MCTS1: variants seen among roughly 807,000 people sequenced by gnomAD.
The protein encoded by MCTS1 is malignant T-cell-amplified sequence 1.
For missense variants in MCTS1, 55 were observed against 128.6 expected (o/e 0.43, Z 2.77); for synonymous variants, 26 against 40.8 (o/e 0.64, Z 1.38).
chrX:120,607,889 G>A (rs1487250818), intron 3 of MCTS1, among the ~76,000 whole-genome samples: 1 of 110,065 alleles, frequency 9.1e-6, no homozygotes, highest in Non-Finnish European at 1.9e-5. Flanking sequence ...AAATTTCCCA[G>A]GGCATATTAA....
rs754320290 is a variant in MCTS1 at position 120,606,182 on chromosome X, G to GT, written c.262+13dup. On this transcript the variant is annotated splice_region_variant and intron_variant, in intron 3 of 5. Coordinates refer to ENST00000371317, the MANE Select transcript of MCTS1 (RefSeq NM_014060.3). ...CCTAAGATTACTTCACAAATGTAAG[G>GT]TTTTTTTATTTTTATTTTTTGAAAT... 9.3e-7 allele frequency: 1 copy of GT among 1,075,600 alleles called. No individual in the cohort carries two copies. The highest frequency in any genetic ancestry group is 1.9e-5 in the African/African-American group (1 of 52,904). 88.6% of individuals were successfully genotyped at this position (1,075,600 alleles called of 1,213,427 possible).
At chrX:120,607,362 G>A (rs1457447355) in intron 3 of MCTS1, among the ~76,000 whole-genome samples, 1 of 111,746 alleles carries the variant, frequency 8.9e-6, no homozygotes, top group Admixed American at 9.5e-5. Context: ...TTGAAATATA[G>A]AGTAAATCAT....
intron 4 of MCTS1, 43 bp from the exon 5 acceptor site, chrX:120,610,968 C>T: frequency 8.4e-7 from 1 of 1,188,106 alleles, no homozygotes. Context: ...GGGGAGGCCC[C>T]AAGGCATTTT....
chrX:120,618,935 T>C lies in MCTS1; in HGVS notation c.*6671T>C, dbSNP rs1259113466. Among the ~76,000 whole-genome samples, 1 of 112,002 alleles carries C rather than the reference T, an allele frequency of 8.9e-6. No homozygotes were observed. Among genetic ancestry groups the C allele is most frequent in the Non-Finnish European group, 1.9e-5 (1 of 53,225 alleles). On this transcript the variant is annotated 3_prime_UTR_variant, in exon 6 of 6. Transcript: ENST00000371317. Reference sequence around the variant, plus strand: ...AGTACCAAATGCCCAGATACATTTATTGGGATGCAGGAATCTCACTTAAGT... The same window carrying C: ...AGTACCAAATGCCCAGATACATTTACTGGGATGCAGGAATCTCACTTAAGT...
chrX:120,605,654 C>A (rs529365722), intron 2 of MCTS1, 95 bp downstream of exon 2: 2 of 858,026 alleles, frequency 2.3e-6, no homozygotes, highest in East Asian at 7.2e-5. Flanking sequence ...TTCAGATTAA[C>A]TATTGATAGA....
Position 120,605,565 on chromosome X carries a change from T to C in MCTS1, c.164+6T>C. ...CCTGTCAAAATAGTCCGATGGTAAG[T>C]CTTTGTTTTTGTCTGTGTAAAGCTC... is the stretch of plus-strand genomic sequence containing the variant. On this transcript the variant is annotated splice_donor_region_variant and intron_variant, in intron 2 of 5. Coordinates refer to ENST00000371317, the MANE Select transcript of MCTS1 (RefSeq NM_014060.3). The C allele has an allele frequency of 8.4e-7, 1 of 1,197,044 alleles. No individual in the cohort carries two copies. Among genetic ancestry groups the C allele is most frequent in the Non-Finnish European group, 1.1e-6 (1 of 890,687 alleles).
Position 120,619,452 on chromosome X carries a change from T to C in MCTS1, c.*7188T>C, listed in dbSNP as rs1011401343. The stretch of plus-strand genomic sequence containing the variant: ...GATTCCATGAGGTAGATTTTAACTC[T>C]CATTTTACAAACGAGGAGACTAAGG... On this transcript the variant is annotated 3_prime_UTR_variant, in exon 6 of 6. Coordinates refer to ENST00000371317, the MANE Select transcript of MCTS1 (RefSeq NM_014060.3). Among the ~76,000 whole-genome samples, 1 of 109,692 alleles carries C rather than the reference T, an allele frequency of 9.1e-6. No individual in the cohort carries two copies. Among genetic ancestry groups the C allele is most frequent in the East Asian group, 2.9e-4 (1 of 3,473 alleles).
intron 1 of MCTS1, chrX:120,604,671 G>C: frequency 1.5e-5 from 16 of 1,041,860 alleles, no homozygotes; most frequent in Non-Finnish European, 2.0e-5. Flanking sequence ...TGGGAGTGAA[G>C]GAGTCTGGGT....
At chrX:120,606,262 T>C (rs1926528298) in intron 3 of MCTS1, 86 bp downstream of exon 3, 1 of 509,933 alleles carries the variant, frequency 2.0e-6, no homozygotes, top group East Asian at 4.1e-5. Context: ...ATGCATTTAA[T>C]CAGATAAGAC....
At position 120,606,066 on chromosome X, in the gene MCTS1, A is replaced by G; in HGVS notation, c.165-13A>G. On this transcript the variant is annotated splice_polypyrimidine_tract_variant and intron_variant, in intron 2 of 5. Coordinates refer to ENST00000371317, the MANE Select transcript of MCTS1 (RefSeq NM_014060.3). ...AATATCTAACTTGGTACTTTGTGAC[A>G]TTTGTCTTACAGCCATGAACATATA... 2.0e-6 allele frequency: 2 copies of G among 1,012,394 alleles called. No individual in the cohort carries two copies. Among genetic ancestry groups the G allele is most frequent in the South Asian group, 2.4e-5 (1 of 42,351 alleles). The allele number at this position is 1,012,394 out of a possible 1,213,427, so 83.4% of individuals were successfully genotyped here. A position where few individuals can be genotyped will look rare whatever the true frequency, so the allele number is the denominator to read the frequency against.
rs1315277024 is a variant in MCTS1, at chrX:120,612,323, T to A, written c.*59T>A. 28 of 872,464 alleles carry A rather than the reference T, an allele frequency of 3.2e-5. No homozygotes were observed. In the Admixed American group the frequency reaches 5.3e-4, roughly 17 times the overall value. The allele number at this position is 872,464 out of a possible 1,213,427, so 71.9% of individuals were successfully genotyped here. A position where few individuals can be genotyped will look rare whatever the true frequency, so the allele number is the denominator to read the frequency against. On this transcript the variant is annotated 3_prime_UTR_variant, in exon 6 of 6. Coordinates refer to ENST00000371317, the MANE Select transcript of MCTS1 (RefSeq NM_014060.3). The stretch of plus-strand genomic sequence containing the variant: ...ATATTGTGCTGTATCTGTGTTTGTG[T>A]CTGTGTGTGACAGCATGAAGATAAT...
In MCTS1 at chrX:120,617,823, G is replaced by A. The variant is rs1160734909; in HGVS notation, c.*5559G>A. ...TCTTCTTATTTTCACAAGCGTGTGA[G>A]TAAAAGACTGGGTTTTAAGCAATAA... is the stretch of plus-strand genomic sequence containing the variant. On this transcript the variant is annotated 3_prime_UTR_variant, in exon 6 of 6. Coordinates refer to ENST00000371317, the MANE Select transcript of MCTS1 (RefSeq NM_014060.3). Among the ~76,000 whole-genome samples, 2 of 112,608 alleles carry A rather than the reference G, an allele frequency of 1.8e-5. No individual in the cohort carries two copies. Among genetic ancestry groups the A allele is most frequent in the Non-Finnish European group, 3.7e-5 (2 of 53,351 alleles).
chrX:120,611,142 A>G, intron 5 of MCTS1, 64 bp downstream of exon 5: 1 of 1,024,442 alleles, frequency 9.8e-7, no homozygotes, highest in Non-Finnish European at 1.4e-6. Flanking sequence ...GAAGCATCAG[A>G]ATTACAGGTG....
chrX:120,611,160 C>A, intron 5 of MCTS1, 82 bp downstream of exon 5: 1 of 859,450 alleles, frequency 1.2e-6, no homozygotes, highest in Non-Finnish European at 1.7e-6. Context: ...GTGAAATTTG[C>A]TATCATGCAT....
Position 120,605,961 on chromosome X carries a change from T to G in MCTS1, c.165-118T>G, listed in dbSNP as rs190928711. 7.0e-3 allele frequency: 2,931 copies of G among 419,300 alleles called. 15 individuals are homozygous for G. The highest frequency in any genetic ancestry group is 8.7e-3 in the Non-Finnish European group (2,247 of 257,835). 34.6% of individuals were successfully genotyped at this position (419,300 alleles called of 1,213,427 possible). A position where few individuals can be genotyped will look rare whatever the true frequency, so the allele number is the denominator to read the frequency against. On this transcript the variant is annotated intron_variant, in intron 2 of 5. Transcript: ENST00000371317. ...AGGAAAAACAATGTAAACAATATTT[T>G]TTGGCCAGGATTTTTACTGACTTTT... is the stretch of plus-strand genomic sequence containing the variant.
In MCTS1 at chrX:120,605,965, G is replaced by C. The variant is rs761350765; in HGVS notation, c.165-114G>C. On this transcript the variant is annotated intron_variant, in intron 2 of 5. Transcript: ENST00000371317. The stretch of plus-strand genomic sequence containing the variant: ...AAAACAATGTAAACAATATTTTTTG[G>C]CCAGGATTTTTACTGACTTTTTAAG... 2.1e-3 allele frequency: 897 copies of C among 425,548 alleles called. 2 individuals carry two copies. The highest frequency in any genetic ancestry group is 9.4e-3 in the Middle Eastern group (24 of 2,551). The allele number at this position is 425,548 out of a possible 1,213,427, so 35.1% of individuals were successfully genotyped here.
rs1316178827 is a variant in MCTS1, at chrX:120,620,266, C to T, written c.*8002C>T. Among the ~76,000 whole-genome samples the T allele has an allele frequency of 9.2e-6, 1 of 108,895 alleles. No individual in the cohort carries two copies. Among genetic ancestry groups the T allele is most frequent in the Non-Finnish European group, 1.9e-5 (1 of 52,533 alleles). 94.6% of individuals were successfully genotyped at this position (108,895 alleles called of 115,157 possible). A position where few individuals can be genotyped will look rare whatever the true frequency, so the allele number is the denominator to read the frequency against. ...GAGCTTGCAGTGAGCTGAGATCGCACCACTGCATTCCAGCCTGGACAACAG... is the reference window on the plus strand; with the variant it reads ...GAGCTTGCAGTGAGCTGAGATCGCATCACTGCATTCCAGCCTGGACAACAG... On this transcript the variant is annotated 3_prime_UTR_variant, in exon 6 of 6. Coordinates refer to ENST00000371317, the MANE Select transcript of MCTS1 (RefSeq NM_014060.3).
intron 1 of MCTS1, 151 bp downstream of exon 1, chrX:120,604,398 C>A: frequency 1.4e-6 from 1 of 697,788 alleles, no homozygotes; most frequent in Non-Finnish European, 2.1e-6. Flanking sequence ...CTCTCACTCC[C>A]AACTTGAACA....
intron 3 of MCTS1, among the ~76,000 whole-genome samples, chrX:120,606,784 C>CAAAAAA: frequency 2.6e-5 from 1 of 38,502 alleles, no homozygotes; most frequent in Non-Finnish European, 4.6e-5. Context: ...GACTTAGTCT[C>CAAAAAA]AAAAAAAAAA....
Sources: allele counts gnomAD v4.1 joint callset (sites outside exome capture counted in the v4.1 genomes callset), GRCh38; gene constraint gnomAD v4.1.1; transcripts MANE v1.5; gene names NCBI Gene and HGNC (gene_info 2026-07-23, HGNC 2026-07-21).